Variants in GABRR1 observed in about 807,000 individuals in gnomAD.
The protein encoded by GABRR1 is gamma-aminobutyric acid receptor subunit rho-1.
GABRR1 carries 59 observed loss-of-function variants against 55.5 expected under a neutral mutation model. The observed-to-expected ratio is 1.06, with a 90% confidence interval of 0.86 to 1.32. The LOEUF is 1.32. GABRR1 is among the 40% of genes most tolerant of loss of function. The pLI, the probability that GABRR1 is intolerant of heterozygous loss-of-function variation, is 0.00. For missense variants in GABRR1, 602 were observed against 619.1 expected (o/e 0.97, Z 0.29); for synonymous variants, 213 against 226.0 (o/e 0.94, Z 0.51).
At position 89,178,692 on chromosome 6, in the gene GABRR1, C is replaced by T; in HGVS notation, c.*78G>A. On this transcript the variant is annotated 3_prime_UTR_variant, in exon 10 of 10. Transcript: ENST00000454853. ...TCCTGGGATTTTTTTTTAACCATATCCTTAAATACTTTTTCATTATACAGT... is the reference window on the plus strand; with the variant it reads ...TCCTGGGATTTTTTTTTAACCATATTCTTAAATACTTTTTCATTATACAGT... The T allele has an allele frequency of 7.6e-7, 1 of 1,307,628 alleles. No individual in the cohort carries two copies. Among genetic ancestry groups the T allele is most frequent in the Non-Finnish European group, 1.1e-6 (1 of 935,038 alleles). 81.0% of individuals were successfully genotyped at this position (1,307,628 alleles called of 1,614,324 possible).
intron 1 of GABRR1, among the ~76,000 whole-genome samples, chr6:89,209,075 A>G (rs1772741294): frequency 6.6e-6 from 1 of 152,170 alleles, no homozygotes; most frequent in Admixed American, 6.5e-5. Context: ...CCACAGAGTA[A>G]AAAGAACACA....
chr6:89,198,563 A>G (rs1772374025), intron 4 of GABRR1, among the ~76,000 whole-genome samples: 1 of 152,202 alleles, frequency 6.6e-6, no homozygotes, highest in Admixed American at 6.5e-5. Flanking sequence ...CACAGATGCC[A>G]GAAAGTTCAT....
intron 1 of GABRR1, 118 bp from the exon 2 acceptor site, chr6:89,203,603 G>A: frequency 8.8e-6 from 7 of 791,388 alleles, no homozygotes; most frequent in Admixed American, 7.1e-5. Context: ...TGTAAAAGAA[G>A]AAGAAAAAAC....
chr6:89,224,540 T>G (rs1431838471), intron 1 of GABRR1, among the ~76,000 whole-genome samples: 2 of 152,228 alleles, frequency 1.3e-5, no homozygotes, highest in Non-Finnish European at 1.5e-5. Flanking sequence ...TCCTGTAATT[T>G]GTTTGAGTTT....
chr6:89,206,609 G>A (rs1262569373), intron 1 of GABRR1, among the ~76,000 whole-genome samples: 2 of 149,160 alleles, frequency 1.3e-5, no homozygotes, highest in African/African-American at 4.9e-5. Context: ...CAATAGATGA[G>A]AGACTGTACT....
At chr6:89,229,345 T>G (rs2127813800) in intron 1 of GABRR1, among the ~76,000 whole-genome samples, 1 of 152,178 alleles carries the variant, frequency 6.6e-6, no homozygotes, top group East Asian at 1.9e-4. Context: ...TTGACACAGT[T>G]TCTTCCTAGT....
At chr6:89,182,341 C>T (rs1771755931) in intron 7 of GABRR1, among the ~76,000 whole-genome samples, 2 of 152,148 alleles carry the variant, frequency 1.3e-5, no homozygotes, top group South Asian at 4.1e-4. Flanking sequence ...ATCACTCTGT[C>T]ACCAGGCTGG....
At chr6:89,196,781 A>C (rs1053494787) in intron 5 of GABRR1, among the ~76,000 whole-genome samples, 16 of 149,662 alleles carry the variant, frequency 1.1e-4, no homozygotes, top group African/African-American at 3.9e-4. Context: ...TGTAAATAAA[A>C]AAAGAAAAGA....
rs191318048 is a variant in GABRR1 at position 89,203,269 on chromosome 6, C to G, written c.173+166G>C. ...CAGCTCGATCCAGGAGCCACCCCGC[C>G]ACCCCTGACTGCCGTCTCCTTTCAG... On this transcript the variant is annotated intron_variant, in intron 2 of 9. Coordinates refer to ENST00000454853, the MANE Select transcript of GABRR1 (RefSeq NM_002042.5). 5.8e-3 allele frequency among the ~76,000 whole-genome samples: 885 copies of G among 152,290 alleles called. 3 individuals are homozygous for G. The highest frequency in any genetic ancestry group is 0.019 in the South Asian group (91 of 4,822).
chr6:89,217,420 A>C, upstream of GABRR1: 2 of 1,406,048 alleles, frequency 1.4e-6, no homozygotes, highest in South Asian at 2.8e-5. Context: ...CATTATTAGA[A>C]GGATGTTTAC....
intron 5 of GABRR1, among the ~76,000 whole-genome samples, chr6:89,191,416 C>A (rs1345231533): frequency 2.0e-5 from 3 of 152,186 alleles, no homozygotes; most frequent in Non-Finnish European, 4.4e-5. Context: ...TAAGAACTAA[C>A]TTCAGGGACA....
Position 89,217,300 on chromosome 6 carries a change from C to T in GABRR1, c.23G>A (p.Arg8Lys). 6.2e-7 allele frequency: 1 copy of T among 1,614,112 alleles called. No individual in the cohort carries two copies. The highest frequency in any genetic ancestry group is 8.5e-7 in the Non-Finnish European group (1 of 1,179,978). ...CCACCACAAAAGAAAGATGCCAAAT[C>T]TCATATTTGGGACAGCCAACATGGG... MLAVPNM[R>K]FGIFLLWWGW... Residue 8 changes from arginine (R) to lysine (K), a missense_variant, in exon 1 of 10, where the codon AGA becomes AAA. By Grantham distance (26) the Arg-to-Lys change is conservative. Around this residue, in one of 3 missense-constraint regions of GABRR1, gnomAD observed 435 missense variants for 424.2 expected, o/e 1.03. Transcript: ENST00000454853.
chr6:89,194,667 CA>C (rs946526972), intron 5 of GABRR1, among the ~76,000 whole-genome samples: 93 of 151,966 alleles, frequency 6.1e-4, no homozygotes, highest in African/African-American at 2.1e-3. Flanking sequence ...AGAAATTTAA[CA>C]AAGAGACTGA....
chr6:89,196,863 GAAAGAAAGAAAGA>G (rs1772306015), intron 5 of GABRR1, among the ~76,000 whole-genome samples: 1 of 124,778 alleles, frequency 8.0e-6, no homozygotes, highest in Non-Finnish European at 1.8e-5. Context: ...AAGAAAGAAA[GAAAGAAAGAAAGA>G]AAGAGAAGAG....
In GABRR1 at chr6:89,178,737, A is replaced by G. The variant is rs1477754043; in HGVS notation, c.*33T>C. 9 of 1,567,320 alleles carry G rather than the reference A, an allele frequency of 5.7e-6. No homozygotes were observed. The highest frequency in any genetic ancestry group is 7.0e-6 in the Non-Finnish European group (8 of 1,138,464). On this transcript the variant is annotated 3_prime_UTR_variant, in exon 10 of 10. Coordinates refer to ENST00000454853, the MANE Select transcript of GABRR1 (RefSeq NM_002042.5). ...TACAGTTATTTCTGTAGTGCATGCC[A>G]TGGAAATGTGAAATTTGTAGAATTA...
chr6:89,193,849 G>T (rs1254714396), intron 5 of GABRR1, among the ~76,000 whole-genome samples: 1 of 152,152 alleles, frequency 6.6e-6, no homozygotes, highest in East Asian at 1.9e-4. Flanking sequence ...CTGGGCCACA[G>T]AGAAGTAGAA....
intron 1 of GABRR1, among the ~76,000 whole-genome samples, chr6:89,223,039 T>C (rs1773136512): frequency 1.3e-5 from 2 of 152,114 alleles, no homozygotes; most frequent in South Asian, 4.1e-4. Context: ...ATCAATGTCC[T>C]TGTCTAGATT....
chr6:89,199,391 T>C lies in GABRR1; in HGVS notation c.319A>G (p.Ser107Gly), dbSNP rs1772395510. ...TCAACCTCTGAGATGCTATCCAAAC[T>C]CTCCACCTGCACATCCACACCAACA... ...IPVGVDVQVE[S>G]LDSISEVDMD... The change falls in exon 4 of 10, where the codon AGT becomes GGT. Residue 107 changes from serine to glycine, a missense_variant. Transcript: ENST00000454853. The C allele has an allele frequency of 6.2e-7, 1 of 1,613,750 alleles. No individual in the cohort carries two copies.
chr6:89,196,342 A>AG (rs11447192), intron 5 of GABRR1, among the ~76,000 whole-genome samples: 23,306 of 152,188 alleles, frequency 0.15, 2,052 homozygotes, highest in African/African-American at 0.24. Context: ...CTTTCCCCCC[A>AG]GGTAACCAAT....
Sources: allele counts gnomAD v4.1 joint callset (sites outside exome capture counted in the v4.1 genomes callset), GRCh38; gene constraint gnomAD v4.1.1; regional missense constraint gnomAD v4.1.1; transcripts MANE v1.5; gene names NCBI Gene and HGNC (gene_info 2026-07-23, HGNC 2026-07-21).